Variants in AHCTF1 observed in about 807,000 individuals in gnomAD.
AHCTF1 encodes the protein protein ELYS.
Under a neutral mutation model 248.4 loss-of-function variants are expected in AHCTF1, and 24 were observed. The observed-to-expected ratio is 0.10, with a 90% confidence interval of 0.07 to 0.14. The LOEUF (loss-of-function observed/expected upper bound fraction) is 0.14, where lower values mean the gene tolerates loss of function less well. AHCTF1 is among the 10% of genes least tolerant of loss of function. The pLI is 1.00. For synonymous variants in AHCTF1, 786 were observed against 929.8 expected (o/e 0.85, Z 2.81); for missense variants, 2,206 against 2,636.2 (o/e 0.84, Z 3.57).
intron 33 of AHCTF1, among the ~76,000 whole-genome samples, chr1:246,848,537 T>A (rs1442876878): frequency 6.6e-6 from 1 of 151,632 alleles, no homozygotes; most frequent in African/African-American, 2.4e-5. Context: ...CTGAACTGCT[T>A]TGCTGAAATT....
rs936218829 is a variant in AHCTF1 at position 246,855,334 on chromosome 1, T to A, written c.4354+396A>T. On this transcript the variant is annotated intron_variant, in intron 31 of 35. Transcript: ENST00000648844. ...AATGCTCATTGGATTAAAAAAAAAATTCCATATATTTGTTAATTTCCCTGG... is the reference window on the plus strand; with the variant it reads ...AATGCTCATTGGATTAAAAAAAAAAATCCATATATTTGTTAATTTCCCTGG... Among the ~76,000 whole-genome samples the A allele has an allele frequency of 5.9e-5, 9 of 152,246 alleles. No individual in the cohort carries two copies. In the South Asian group the frequency reaches 1.7e-3, roughly 28 times the overall value.
Position 246,867,901 on chromosome 1 carries a change from C to CACA in AHCTF1, c.3089-91_3089-90insTGT, listed in dbSNP as rs1553291133. The CACA allele has an allele frequency of 7.7e-4, 243 of 313,804 alleles. 10 individuals carry two copies. In the African/African-American group the frequency reaches 9.1e-3, roughly 12 times the overall value. The allele number at this position is 313,804 out of a possible 1,614,324, so 19.4% of individuals were successfully genotyped here. ...TGAAAGAATGATTACACCCCCCCCC[C>CACA]CACACACACACACACACACATTACG... On this transcript the variant is annotated intron_variant, in intron 24 of 35. Transcript: ENST00000648844.
At chr1:246,879,323 AGAG>A (rs567270390) in intron 21 of AHCTF1, among the ~76,000 whole-genome samples, 40 of 152,186 alleles carry the variant, frequency 2.6e-4, no homozygotes, top group Non-Finnish European at 4.7e-4. Context: ...ACGGTAATTG[AGAG>A]GAGGATTAAG....
intron 21 of AHCTF1, among the ~76,000 whole-genome samples, chr1:246,884,311 AATCT>A (rs1290539689): frequency 2.7e-5 from 4 of 146,392 alleles, no homozygotes; most frequent in South Asian, 2.2e-4. Flanking sequence ...GTGTCTAATC[AATCT>A]ATTATTAAAC....
Position 246,839,193 on chromosome 1 carries a change from G to T in AHCTF1, c.*1613C>A, listed in dbSNP as rs1659661821. 1 of 152,100 alleles carries T rather than the reference G, an allele frequency of 6.6e-6. No individual in the cohort carries two copies. The highest frequency in any genetic ancestry group is 1.5e-5 in the Non-Finnish European group (1 of 68,018). The allele number at this position is 152,100 out of a possible 1,614,324, so 9.4% of individuals were successfully genotyped here. On this transcript the variant is annotated 3_prime_UTR_variant, in exon 36 of 36. Transcript: ENST00000648844. The stretch of plus-strand genomic sequence containing the variant: ...ATATATGTAAAGTTCATTTAGAACA[G>T]GCAATTTGTTTGCTTATGATCTACA...
rs367723662 is a variant in AHCTF1 at position 246,887,194 on chromosome 1, T to C, written c.2472+17A>G. 175 of 1,585,658 alleles carry C rather than the reference T, an allele frequency of 1.1e-4. No homozygotes were observed. The African/African-American group carries it at 2.1e-3, about 19-fold the overall frequency. On this transcript the variant is annotated intron_variant, in intron 20 of 35. Transcript: ENST00000648844. Reference sequence around the variant, plus strand: ...TAGTAATTCATGAAAGTTTATGCTGTAAGTGAATAGACTTACCTCATAGTC... The same window carrying C: ...TAGTAATTCATGAAAGTTTATGCTGCAAGTGAATAGACTTACCTCATAGTC...
At chr1:246,899,634 T>G (rs1008604868) in intron 10 of AHCTF1, 122 bp from the exon 11 acceptor site, 2 of 642,652 alleles carry the variant, frequency 3.1e-6, no homozygotes, top group Non-Finnish European at 5.1e-6. Flanking sequence ...AATAAATCTT[T>G]AAATAAACTT....
intron 17 of AHCTF1, among the ~76,000 whole-genome samples, chr1:246,888,993 T>A (rs1350772207): frequency 4.6e-5 from 7 of 152,154 alleles, no homozygotes; most frequent in Non-Finnish European, 1.0e-4. Flanking sequence ...GATAAGCCCT[T>A]AATTTGCCTC....
At chr1:246,843,258 G>A (rs552264087) in intron 34 of AHCTF1, among the ~76,000 whole-genome samples, 10 of 152,114 alleles carry the variant, frequency 6.6e-5, no homozygotes, top group Non-Finnish European at 1.5e-4. Context: ...CTCTAACCTC[G>A]GTCTATAAAG....
chr1:246,893,252 T>C (rs1435180620), intron 14 of AHCTF1, among the ~76,000 whole-genome samples: 1 of 152,240 alleles, frequency 6.6e-6, no homozygotes, highest in African/African-American at 2.4e-5. Context: ...CACTGATTAC[T>C]GAAACACTTA....
At position 246,913,371 on chromosome 1, in the gene AHCTF1, A is replaced by G; in HGVS notation, c.417T>C (p.Ser139=). 6.2e-7 allele frequency: 1 copy of G among 1,613,632 alleles called. No homozygotes were observed. Among genetic ancestry groups the G allele is most frequent in the African/African-American group, 1.3e-5 (1 of 75,060 alleles). ...TTGGATGTAAATGCTGAGTGCTTGC[A>G]CTGGCTCCTCCATGATTAATTATAG... ...IEPIINHGGA[S]ASTQHLHPSL... The change falls in exon 4 of 36, where the codon AGT becomes AGC. Residue 139 remains serine (S), a synonymous_variant. Transcript: ENST00000648844.
chr1:246,903,835 C>T (rs1665188058), intron 7 of AHCTF1, 114 bp downstream of exon 7: 1 of 772,922 alleles, frequency 1.3e-6, no homozygotes, highest in Non-Finnish European at 1.9e-6. Context: ...GAGACTCTGT[C>T]TCAAAAAAAA....
chr1:246,894,358 G>A (rs1054646766), intron 14 of AHCTF1, among the ~76,000 whole-genome samples: 2 of 152,102 alleles, frequency 1.3e-5, no homozygotes, highest in East Asian at 1.9e-4. Flanking sequence ...GGATCACAAC[G>A]TCAGGAGATC....
At chr1:246,862,544 TTCTCA>T (rs1286079051) in intron 27 of AHCTF1, among the ~76,000 whole-genome samples, 9 of 152,098 alleles carry the variant, frequency 5.9e-5, no homozygotes, top group East Asian at 1.9e-4. Context: ...AGTGGTTATA[TTCTCA>T]TCTCATCTCC....
At chr1:246,887,409 C>G in intron 19 of AHCTF1, 52 bp from the exon 20 acceptor site, 1 of 1,521,158 alleles carries the variant, frequency 6.6e-7, no homozygotes, top group Non-Finnish European at 8.9e-7. Flanking sequence ...AAACCTCCTA[C>G]GTATATATTT....
Position 246,902,695 on chromosome 1 carries a change from C to A in AHCTF1, c.967-20G>T. 1.3e-6 allele frequency: 2 copies of A among 1,558,670 alleles called. No homozygotes were observed. The highest frequency in any genetic ancestry group is 1.7e-6 in the Non-Finnish European group (2 of 1,150,372). ...TAACCCCTGTAACATAAAATACACG[C>A]AAATATTAATCTGATTCTAGGCAAA... On this transcript the variant is annotated intron_variant, in intron 7 of 35. Transcript: ENST00000648844.
At chr1:246,878,983 T>C (rs1031767635) in intron 21 of AHCTF1, among the ~76,000 whole-genome samples, 36 of 152,188 alleles carry the variant, frequency 2.4e-4, no homozygotes, top group Admixed American at 2.0e-3. Flanking sequence ...TAGTCATTTT[T>C]CCCTAAACCA....
Position 246,895,886 on chromosome 1 carries a change from T to C in AHCTF1, c.1663A>G (p.Thr555Ala). 1 of 1,613,640 alleles carries C rather than the reference T, an allele frequency of 6.2e-7. No individual in the cohort carries two copies. Among genetic ancestry groups the C allele is most frequent in the Non-Finnish European group, 8.5e-7 (1 of 1,179,738 alleles). The change falls in exon 13 of 36, where the codon ACT (threonine) becomes GCT (alanine). Residue 555 changes from threonine (T) to alanine (A), a missense_variant. Physicochemically the swap from Thr to Ala is moderately conservative, Grantham distance 58. Transcript: ENST00000648844. ...CCAGTCAAAAGTCCCAGGGAACTAGTCTGAATTGCTGCTGACAATATAGCT... is the reference window on the plus strand; with the variant it reads ...CCAGTCAAAAGTCCCAGGGAACTAGCCTGAATTGCTGCTGACAATATAGCT... ...LEAILSAAIQ[T>A]SSLGLLTGYI...
chr1:246,866,317 C>T (rs1661974039), intron 26 of AHCTF1, among the ~76,000 whole-genome samples: 1 of 151,878 alleles, frequency 6.6e-6, no homozygotes, highest in Non-Finnish European at 1.5e-5. Flanking sequence ...GAAAAGGGGA[C>T]TTGCAGAAAA....
Sources: allele counts gnomAD v4.1 joint callset (sites outside exome capture counted in the v4.1 genomes callset), GRCh38; gene constraint gnomAD v4.1.1; transcripts MANE v1.5; gene names NCBI Gene and HGNC (gene_info 2026-07-23, HGNC 2026-07-21).